GEMIN2: variants seen among roughly 807,000 people sequenced by gnomAD.
GEMIN2 encodes the protein gem-associated protein 2.
A neutral mutation model predicts 45.8 loss-of-function variants in GEMIN2; 37 were observed. That is an observed-to-expected ratio of 0.81 (90% CI 0.62 to 1.06). GEMIN2 has a LOEUF of 1.06. Among genes scored for constraint, GEMIN2 ranks in the 50% least tolerant of loss-of-function variants. The pLI, the probability that GEMIN2 is intolerant of heterozygous loss-of-function variation, is 0.00. For synonymous variants in GEMIN2, 101 were observed against 111.5 expected (o/e 0.91, Z 0.60); for missense variants, 335 against 321.8 (o/e 1.04, Z -0.31).
At chr14:39,132,947 G>T (rs570335086) in intron 8 of GEMIN2, among the ~76,000 whole-genome samples, 40 of 149,862 alleles carry the variant, frequency 2.7e-4, no homozygotes, top group African/African-American at 9.8e-4. Context: ...CCAAAGTGCT[G>T]GGATTACAGG....
chr14:39,135,541 G>A (rs961470542), intron 9 of GEMIN2, among the ~76,000 whole-genome samples: 2 of 151,638 alleles, frequency 1.3e-5, no homozygotes, highest in African/African-American at 2.4e-5. Context: ...AGCTGAGATC[G>A]TGCCATTGCA....
At chr14:39,114,961 A>G (rs757574206) in intron 2 of GEMIN2, 48 bp downstream of exon 2, 5 of 846,284 alleles carry the variant, frequency 5.9e-6, no homozygotes, top group Non-Finnish European at 8.3e-6. Context: ...CCCCAATTAA[A>G]AGACTAACGC....
Position 39,133,808 on chromosome 14 carries a change from GTTTTT to G in GEMIN2, c.770+94_770+98del, listed in dbSNP as rs909262994. 5 of 721,186 alleles carry G rather than the reference GTTTTT, an allele frequency of 6.9e-6. No individual in the cohort carries two copies. The East Asian group carries it at 1.5e-4, about 21-fold the overall frequency. The allele number at this position is 721,186 out of a possible 1,614,324, so 44.7% of individuals were successfully genotyped here. ...ATTACATTTGGTTTTTGTTTGGTTG[GTTTTT>G]TTTTGAGTCTCACTCTGTTGCTATA... On this transcript the variant is annotated intron_variant, in intron 9 of 9. Coordinates refer to ENST00000308317, the MANE Select transcript of GEMIN2 (RefSeq NM_003616.3).
chr14:39,125,621 A>G (rs1427815030), intron 6 of GEMIN2, among the ~76,000 whole-genome samples: 3 of 152,126 alleles, frequency 2.0e-5, no homozygotes, highest in Non-Finnish European at 1.5e-5. Context: ...GGAATTTTCA[A>G]CTTTACAATG....
At chr14:39,122,139 A>G (rs2052580718) in intron 4 of GEMIN2, 1 of 271,652 alleles carries the variant, frequency 3.7e-6, no homozygotes, top group Non-Finnish European at 6.9e-6. Flanking sequence ...TGTGAATCCA[A>G]ATTTCCTCTT....
At chr14:39,132,433 A>C (rs1272408110) in intron 8 of GEMIN2, among the ~76,000 whole-genome samples, 2 of 152,034 alleles carry the variant, frequency 1.3e-5, no homozygotes, top group African/African-American at 4.8e-5. Context: ...CAGGAGGCTG[A>C]GGCAGGAGAA....
chr14:39,114,421 G>A lies in GEMIN2; in HGVS notation c.83G>A (p.Gly28Asp). ...GTAGAGCCTTGCGACTTGACGGAAG[G>A]TTTCGATCCCTCGGTACCCCCGAGG... ...LPVEPCDLTE[G>D]FDPSVPPRTP... The change falls in exon 1 of 10, where the codon GGT (glycine) becomes GAT (aspartate). Residue 28 changes from glycine (G) to aspartate (D), a missense_variant. Coordinates refer to ENST00000308317, the MANE Select transcript of GEMIN2 (RefSeq NM_003616.3). 3 of 1,614,104 alleles carry A rather than the reference G, an allele frequency of 1.9e-6. No homozygotes were observed. The highest frequency in any genetic ancestry group is 2.2e-5 in the South Asian group (2 of 91,076).
In GEMIN2 at chr14:39,136,478, G is replaced by GCAA; in HGVS notation, c.809_810insCAA (p.Ter270delinsCysLys). The GCAA allele has an allele frequency of 6.3e-7, 1 of 1,597,888 alleles. No individual in the cohort carries two copies. Among genetic ancestry groups the GCAA allele is most frequent in the Non-Finnish European group, 8.6e-7 (1 of 1,166,832 alleles). On this transcript the variant is annotated stop_lost, in exon 10 of 10. Transcript: ENST00000308317. ...CGTGATTTAGCTGATGAGCCATCTT[G>GCAA]ATGTAGCTGATCTCTCAGGGATAGA...
At chr14:39,135,204 AAGTT>A (rs955018644) in intron 9 of GEMIN2, among the ~76,000 whole-genome samples, 1 of 152,204 alleles carries the variant, frequency 6.6e-6, no homozygotes, top group African/African-American at 2.4e-5. Flanking sequence ...TGCCCTCAAA[AAGTT>A]AGATAAAAAT....
At chr14:39,133,187 T>TAG (rs10677580) in intron 8 of GEMIN2, among the ~76,000 whole-genome samples, 116,883 of 145,416 alleles carry the variant, frequency 0.8, 47,634 homozygotes, top group East Asian at 0.95. Flanking sequence ...ATGCATTATA[T>TAG]AGAGGAACAA....
chr14:39,127,055 C>T (rs188495130), intron 6 of GEMIN2, among the ~76,000 whole-genome samples: 411 of 150,338 alleles, frequency 2.7e-3, no homozygotes, highest in African/African-American at 7.1e-3. Context: ...GAGCCCACCG[C>T]GCCTGGCCAA....
At chr14:39,134,557 A>G (rs2052760119) in intron 9 of GEMIN2, among the ~76,000 whole-genome samples, 1 of 152,220 alleles carries the variant, frequency 6.6e-6, no homozygotes, top group Non-Finnish European at 1.5e-5. Flanking sequence ...TGGGAAGGCA[A>G]GTAATCTTGT....
intron 5 of GEMIN2, among the ~76,000 whole-genome samples, 167 bp from the exon 6 acceptor site, chr14:39,124,825 A>C (rs551611822): frequency 1.3e-5 from 2 of 152,280 alleles, no homozygotes; most frequent in South Asian, 4.1e-4. Context: ...CCGCATTACA[A>C]ACATAGTAGT....
intron 5 of GEMIN2, among the ~76,000 whole-genome samples, chr14:39,122,928 T>C (rs577741503): frequency 1.3e-5 from 2 of 152,316 alleles, no homozygotes; most frequent in East Asian, 3.9e-4. Flanking sequence ...ATAAGATTCA[T>C]AGTTTTTTTA....
rs1346872413 is a variant in GEMIN2, at chr14:39,133,622, G to C, written c.712-39G>C. On this transcript the variant is annotated intron_variant, in intron 8 of 9. Transcript: ENST00000308317. ...AGAAAATTTATTTCAAAAGTAATAG[G>C]AACAGACAATATTTAAATTTTTCTT... 1.2e-5 allele frequency: 13 copies of C among 1,102,486 alleles called. No homozygotes were observed. In the East Asian group the frequency reaches 3.3e-4, roughly 28 times the overall value. 68.3% of individuals were successfully genotyped at this position (1,102,486 alleles called of 1,614,324 possible).
In GEMIN2 at chr14:39,118,669, T is replaced by A; in HGVS notation, c.372+70T>A. 5.7e-6 allele frequency: 4 copies of A among 696,330 alleles called. No individual in the cohort carries two copies. In the East Asian group the frequency reaches 1.0e-4, roughly 17 times the overall value. 43.1% of individuals were successfully genotyped at this position (696,330 alleles called of 1,614,324 possible). The stretch of plus-strand genomic sequence containing the variant: ...TGAAAGAGTCTATATTTACTTCCAG[T>A]CGTTAAAGATTCACTTGCCTAGTCA... On this transcript the variant is annotated intron_variant, in intron 4 of 9. Transcript: ENST00000308317.
At chr14:39,121,641 A>G (rs568350267) in intron 4 of GEMIN2, among the ~76,000 whole-genome samples, 2 of 152,200 alleles carry the variant, frequency 1.3e-5, no homozygotes, top group Non-Finnish European at 1.5e-5. Context: ...AACAACAGAA[A>G]TGTATTTATT....
At chr14:39,131,648 T>C (rs1032872502) in intron 7 of GEMIN2, 5 of 233,116 alleles carry the variant, frequency 2.1e-5, no homozygotes, top group African/African-American at 1.1e-4. Context: ...TTTTCCAGTA[T>C]TTATATTCAT....
chr14:39,114,443 G>A lies in GEMIN2; in HGVS notation c.105G>A (p.Pro35=), dbSNP rs1441821429. The change falls in exon 1 of 10, where the codon CCG becomes CCA. Residue 35 remains proline, a synonymous_variant. Transcript: ENST00000308317. ...AAGGTTTCGATCCCTCGGTACCCCC[G>A]AGGACGCCTCAGGAATACCTGAGGC... ...LTEGFDPSVP[P]RTPQEYLRRV... The A allele has an allele frequency of 1.9e-6, 3 of 1,613,916 alleles. No homozygotes were observed. The highest frequency in any genetic ancestry group is 1.7e-5 in the Admixed American group (1 of 60,010).
Sources: allele counts gnomAD v4.1 joint callset (sites outside exome capture counted in the v4.1 genomes callset), GRCh38; gene constraint gnomAD v4.1.1; transcripts MANE v1.5; gene names NCBI Gene and HGNC (gene_info 2026-07-23, HGNC 2026-07-21).